The following SLC9A8 variants were observed in gnomAD, a reference collection of about 807,000 sequenced individuals.
The protein encoded by SLC9A8 is sodium/hydrogen exchanger 8.
A neutral mutation model predicts 66.6 loss-of-function variants in SLC9A8; 48 were observed. The ratio of observed to expected loss-of-function variants is 0.72; its 90% CI spans 0.57 to 0.92. The LOEUF (loss-of-function observed/expected upper bound fraction) is 0.92, where lower values mean the gene tolerates loss of function less well. Among genes scored for constraint, SLC9A8 ranks in the 40% least tolerant of loss-of-function variants. The probability of loss-of-function intolerance (pLI) is 0.00; values close to 1 mark genes in which losing one functional copy is unlikely to be tolerated. For missense variants in SLC9A8, 599 were observed against 747.3 expected (o/e 0.80, Z 2.31); for synonymous variants, 274 against 282.6 (o/e 0.97, Z 0.31).
intron 8 of SLC9A8, among the ~76,000 whole-genome samples, chr20:49,856,754 G>A (rs538628493): frequency 1.6e-4 from 24 of 149,772 alleles, no homozygotes; most frequent in Non-Finnish European, 3.1e-4. Context: ...CCTGGGAGGC[G>A]GAGGTTGCAG....
chr20:49,854,065 T>G (rs2088363030), intron 7 of SLC9A8, among the ~76,000 whole-genome samples: 1 of 152,198 alleles, frequency 6.6e-6, no homozygotes, highest in African/African-American at 2.4e-5. Context: ...AGGGCAGTCG[T>G]CTCTGGCTGA....
At chr20:49,870,632 A>C (rs1425917591) in intron 10 of SLC9A8, among the ~76,000 whole-genome samples, 4 of 152,240 alleles carry the variant, frequency 2.6e-5, no homozygotes, top group African/African-American at 9.6e-5. Context: ...GCCCTTGAAA[A>C]AAAATCACTC....
chr20:49,871,156 C>A lies in SLC9A8; in HGVS notation c.959-3549C>A, dbSNP rs142984007. The stretch of plus-strand genomic sequence containing the variant: ...CTCAGTGAGTCTGAATGTTTTATGG[C>A]AAAATATGTTTATTATTGAGTAATT... On this transcript the variant is annotated intron_variant, in intron 10 of 15. Transcript: ENST00000361573. 3.0e-4 allele frequency among the ~76,000 whole-genome samples: 45 copies of A among 152,266 alleles called. No homozygotes were observed. The East Asian group carries it at 8.3e-3, about 28-fold the overall frequency.
chr20:49,839,004 A>G (rs1429754130), intron 3 of SLC9A8, among the ~76,000 whole-genome samples: 3 of 152,208 alleles, frequency 2.0e-5, no homozygotes, highest in African/African-American at 7.2e-5. Flanking sequence ...TGAGCCTGTC[A>G]GCTTTATGGA....
intron 2 of SLC9A8, among the ~76,000 whole-genome samples, chr20:49,819,069 T>A (rs939005667): frequency 2.0e-5 from 3 of 152,236 alleles, no homozygotes; most frequent in African/African-American, 7.2e-5. Context: ...TTTTGATTTT[T>A]AGAAGCTTGA....
intron 3 of SLC9A8, chr20:49,830,436 A>C: frequency 1.2e-6 from 1 of 838,746 alleles, no homozygotes; most frequent in Non-Finnish European, 2.1e-6. Flanking sequence ...CAAGGCGGCC[A>C]AGGACCTGGT....
intron 3 of SLC9A8, among the ~76,000 whole-genome samples, chr20:49,826,180 G>A (rs1164129792): frequency 2.0e-5 from 3 of 152,208 alleles, no homozygotes; most frequent in African/African-American, 7.2e-5. Context: ...GGTCCAGAAA[G>A]TACTTTTTAA....
At chr20:49,870,098 A>G (rs2089156926) in intron 10 of SLC9A8, among the ~76,000 whole-genome samples, 1 of 152,220 alleles carries the variant, frequency 6.6e-6, no homozygotes, top group Non-Finnish European at 1.5e-5. Context: ...CATATTGTTA[A>G]ATTTTTTAAA....
In SLC9A8 at chr20:49,884,237, CACACG is replaced by C. The variant is rs1400995024; in HGVS notation, c.1491+176_1491+180del. ...ACACACACACACACACACACACACACACACGACACACACACACACACGACACACAC... is the reference window on the plus strand; with the variant it reads ...ACACACACACACACACACACACACACACACACACACACACACGACACACAC... On this transcript the variant is annotated intron_variant, in intron 14 of 15. Coordinates refer to ENST00000361573, the MANE Select transcript of SLC9A8 (RefSeq NM_015266.3). 3.5e-3 allele frequency: 619 copies of C among 175,524 alleles called. 15 individuals are homozygous for C. The highest frequency in any genetic ancestry group is 8.5e-3 in the African/African-American group (125 of 14,720). The allele number at this position is 175,524 out of a possible 1,614,324, so 10.9% of individuals were successfully genotyped here. A position where few individuals can be genotyped will look rare whatever the true frequency, so the allele number is the denominator to read the frequency against.
intron 3 of SLC9A8, among the ~76,000 whole-genome samples, chr20:49,837,981 C>T (rs1209751974): frequency 6.6e-6 from 1 of 151,986 alleles, no homozygotes. Flanking sequence ...AACAAAATAG[C>T]AAGTAGTAGG....
chr20:49,876,107 A>G (rs1026825730), intron 11 of SLC9A8, among the ~76,000 whole-genome samples: 15 of 152,174 alleles, frequency 9.9e-5, no homozygotes, highest in Admixed American at 9.8e-4. Flanking sequence ...ACCCAGGCAG[A>G]AACTTCAGCA....
chr20:49,869,077 C>A (rs1347003904), intron 10 of SLC9A8, among the ~76,000 whole-genome samples: 1 of 152,108 alleles, frequency 6.6e-6, no homozygotes, highest in Non-Finnish European at 1.5e-5. Context: ...ATGAATAGAC[C>A]CCACTTAGGC....
chr20:49,837,869 G>A (rs1325512227), intron 3 of SLC9A8, among the ~76,000 whole-genome samples: 9 of 152,020 alleles, frequency 5.9e-5, no homozygotes, highest in Non-Finnish European at 1.0e-4. Flanking sequence ...ACGCCTGGTC[G>A]GTTCTGTGTG....
rs376342143 is a variant in SLC9A8, at chr20:49,835,848, A to G, written c.290-3693A>G. Among the ~76,000 whole-genome samples, 25 of 151,432 alleles carry G rather than the reference A, an allele frequency of 1.7e-4. No homozygotes were observed. The East Asian group carries it at 2.3e-3, about 14-fold the overall frequency. On this transcript the variant is annotated intron_variant, in intron 3 of 15. Transcript: ENST00000361573. ...TTACAGGTGCCCGCCATCACGCCCA[A>G]CTGCTTTTTTTGTATTTTTAGTAGA...
intron 2 of SLC9A8, among the ~76,000 whole-genome samples, chr20:49,819,063 G>C (rs926338692): frequency 1.3e-5 from 2 of 152,150 alleles, no homozygotes; most frequent in Non-Finnish European, 2.9e-5. Flanking sequence ...AGTTACTTTT[G>C]ATTTTTAGAA....
At chr20:49,857,724 A>G (rs2088557971) in intron 8 of SLC9A8, among the ~76,000 whole-genome samples, 1 of 152,230 alleles carries the variant, frequency 6.6e-6, no homozygotes, top group Non-Finnish European at 1.5e-5. Context: ...TTTTAAAAAA[A>G]ACAAACAAAC....
chr20:49,827,619 A>C (rs907693586), intron 3 of SLC9A8, among the ~76,000 whole-genome samples: 4 of 151,548 alleles, frequency 2.6e-5, no homozygotes, highest in African/African-American at 9.7e-5. Flanking sequence ...AAAAAAAAAA[A>C]GAAAAAGAAA....
rs548887355 is a variant in SLC9A8, at chr20:49,883,753, C to G, written c.1271-93C>G. The G allele has an allele frequency of 2.5e-5, 24 of 964,282 alleles. No homozygotes were observed. In the African/African-American group the frequency reaches 3.4e-4, roughly 14 times the overall value. 59.7% of individuals were successfully genotyped at this position (964,282 alleles called of 1,614,324 possible). A position where few individuals can be genotyped will look rare whatever the true frequency, so the allele number is the denominator to read the frequency against. On this transcript the variant is annotated intron_variant, in intron 13 of 15. Coordinates refer to ENST00000361573, the MANE Select transcript of SLC9A8 (RefSeq NM_015266.3). ...AGGGCCATTAGAATAGTCAGCTGGTCGTGGTGCTGGGCCGGCTGGATTTCC... is the reference window on the plus strand; with the variant it reads ...AGGGCCATTAGAATAGTCAGCTGGTGGTGGTGCTGGGCCGGCTGGATTTCC...
rs545381800 is a variant in SLC9A8 at position 49,823,045 on chromosome 20, A to T, written c.209-16A>T. 2.6e-5 allele frequency: 40 copies of T among 1,561,962 alleles called. No individual in the cohort carries two copies. The highest frequency in any genetic ancestry group is 1.4e-4 in the Admixed American group (8 of 58,984). On this transcript the variant is annotated splice_polypyrimidine_tract_variant and intron_variant, in intron 2 of 15. Transcript: ENST00000361573. ...AGTGTTTTTTTTAAAACATTGTATT[A>T]TTTTTTTTTCCACAGCTATCTGCAT... is the stretch of plus-strand genomic sequence containing the variant.
Sources: allele counts gnomAD v4.1 joint callset (sites outside exome capture counted in the v4.1 genomes callset), GRCh38; gene constraint gnomAD v4.1.1; transcripts MANE v1.5; gene names NCBI Gene and HGNC (gene_info 2026-07-23, HGNC 2026-07-21).